MAP1B: variants seen among roughly 807,000 people sequenced by gnomAD.
The protein encoded by MAP1B is microtubule-associated protein 1B.
Under a neutral mutation model 176.1 loss-of-function variants are expected in MAP1B, and 12 were observed. That is an observed-to-expected ratio of 0.07 (90% CI 0.04 to 0.11). The LOEUF is 0.11. MAP1B is among the 10% of genes least tolerant of loss of function. The pLI is 1.00. For missense variants in MAP1B, 2,523 were observed against 2,990.5 expected, an observed-to-expected ratio of 0.84 and a Z score of 3.65; for synonymous variants, 1,044 against 1,135.0, an observed-to-expected ratio of 0.92 and a Z score of 1.61.
At chr5:72,117,099 G>T (rs929755775) in intron 2 of MAP1B, among the ~76,000 whole-genome samples, 5 of 151,738 alleles carry the variant, frequency 3.3e-5, no homozygotes, top group African/African-American at 1.2e-4. Context: ...TTTATTAAAA[G>T]TTAACTTCCT....
At chr5:72,189,942 A>G (rs1746990748) in intron 4 of MAP1B, among the ~76,000 whole-genome samples, 1 of 152,158 alleles carries the variant, frequency 6.6e-6, no homozygotes, top group South Asian at 2.1e-4. Context: ...TAGAGTGAGA[A>G]ACATTTTAAG....
At chr5:72,152,802 AG>A (rs1746165995) in intron 2 of MAP1B, among the ~76,000 whole-genome samples, 1 of 152,198 alleles carries the variant, frequency 6.6e-6, no homozygotes, top group Non-Finnish European at 1.5e-5. Flanking sequence ...TTTGTTCAGA[AG>A]TACTGTTGTG....
intron 1 of MAP1B, among the ~76,000 whole-genome samples, chr5:72,109,988 A>G (rs1375917364): frequency 6.6e-6 from 1 of 152,230 alleles, no homozygotes; most frequent in African/African-American, 2.4e-5. Context: ...ACGTACTGCT[A>G]TGAAGAAGGG....
chr5:72,199,435 C>T lies in MAP1B; in HGVS notation c.6080C>T (p.Thr2027Ile). Reference protein sequence around the residue: ...FPESEGYSYETSTKTTRTPDT... With the variant: ...FPESEGYSYEISTKTTRTPDT... Reference sequence around the variant, plus strand: ...GAGTCTGAAGGTTATTCCTATGAGACATCTACAAAGACAACACGAACCCCT... The same window carrying T: ...GAGTCTGAAGGTTATTCCTATGAGATATCTACAAAGACAACACGAACCCCT... The change falls in exon 5 of 7, where the codon ACA becomes ATA. Residue 2027 changes from threonine to isoleucine, a missense_variant. Transcript: ENST00000296755. This position sits in a 1 kb window ranked among gnomAD's most constrained non-coding sequence, Gnocchi z 4.2. 6.2e-7 allele frequency: 1 copy of T among 1,614,150 alleles called. No homozygotes were observed. Among genetic ancestry groups the T allele is most frequent in the African/African-American group, 1.3e-5 (1 of 75,044 alleles).
intron 2 of MAP1B, among the ~76,000 whole-genome samples, chr5:72,151,991 C>T (rs1012905618): frequency 1.3e-5 from 2 of 152,184 alleles, no homozygotes; most frequent in African/African-American, 4.8e-5. Flanking sequence ...CTTACATAAC[C>T]GTGCTACTTT....
At chr5:72,169,196 T>C (rs1454611703) in intron 2 of MAP1B, among the ~76,000 whole-genome samples, 1 of 152,180 alleles carries the variant, frequency 6.6e-6, no homozygotes. Context: ...GGTGGCAGAA[T>C]GACCACAGGC....
At position 72,186,948 on chromosome 5, in the gene MAP1B, T is replaced by C. The variant is rs1746921944; in HGVS notation, c.510+194T>C. Among the ~76,000 whole-genome samples, 1 of 152,192 alleles carries C rather than the reference T, an allele frequency of 6.6e-6. No homozygotes were observed. Among genetic ancestry groups the C allele is most frequent in the African/African-American group, 2.4e-5 (1 of 41,446 alleles). ...AAGAATTTAGAGCACTCATTTACAA[T>C]TAATTGGAATCATTCTTAATGTGCC... On this transcript the variant is annotated intron_variant, in intron 4 of 6. Coordinates refer to ENST00000296755, the MANE Select transcript of MAP1B (RefSeq NM_005909.5). The surrounding 1 kb of genome is among the most constrained non-coding windows in gnomAD (Gnocchi z 4.3).
chr5:72,164,653 C>G (rs1332412018), intron 2 of MAP1B, among the ~76,000 whole-genome samples: 1 of 152,120 alleles, frequency 6.6e-6, no homozygotes, highest in African/African-American at 2.4e-5. Flanking sequence ...AACCAGGGAA[C>G]CAGCGCAGTT....
At chr5:72,107,766 G>A in intron 1 of MAP1B, 51 bp downstream of exon 1, 4 of 1,583,434 alleles carry the variant, frequency 2.5e-6, no homozygotes, top group Non-Finnish European at 3.4e-6. Flanking sequence ...GCGCAAACAC[G>A]ACCCCACCCA....
In MAP1B at chr5:72,206,870, G is replaced by C. The variant is rs902733284; in HGVS notation, c.*1631G>C. On this transcript the variant is annotated 3_prime_UTR_variant, in exon 7 of 7. Coordinates refer to ENST00000296755, the MANE Select transcript of MAP1B (RefSeq NM_005909.5). ...TAACATAAAAGTGCTACTTGAGAGT[G>C]GGGGAGAATGGCATGGTAGGCTACT... 6 of 152,098 alleles carry C rather than the reference G, an allele frequency of 3.9e-5. No homozygotes were observed. Among genetic ancestry groups the C allele is most frequent in the African/African-American group, 1.4e-4 (6 of 41,406 alleles). 9.4% of individuals were successfully genotyped at this position (152,098 alleles called of 1,614,324 possible).
intron 2 of MAP1B, among the ~76,000 whole-genome samples, chr5:72,119,516 G>A (rs1745489552): frequency 6.6e-6 from 1 of 152,170 alleles, no homozygotes; most frequent in South Asian, 2.1e-4. Flanking sequence ...TGTTGTTGTT[G>A]TTGTTTTGAA....
intron 1 of MAP1B, among the ~76,000 whole-genome samples, chr5:72,110,025 T>G (rs2337389): frequency 7.2e-5 from 11 of 152,240 alleles, no homozygotes; most frequent in African/African-American, 2.7e-4. Context: ...GTTTTTACAC[T>G]ACTAGCACTT....
intron 5 of MAP1B, 48 bp from the exon 6 acceptor site, chr5:72,203,515 C>A: frequency 1.5e-6 from 2 of 1,351,264 alleles, no homozygotes; most frequent in Non-Finnish European, 2.1e-6. Flanking sequence ...GATGTATGGT[C>A]TCTTCACCTT....
intron 5 of MAP1B, among the ~76,000 whole-genome samples, chr5:72,201,004 C>T (rs1747323255): frequency 6.6e-6 from 1 of 152,128 alleles, no homozygotes; most frequent in Non-Finnish European, 1.5e-5. Flanking sequence ...ATTGATGGCT[C>T]TGCTCTTACC....
chr5:72,129,238 G>T (rs772518976), intron 2 of MAP1B, among the ~76,000 whole-genome samples: 21 of 152,132 alleles, frequency 1.4e-4, no homozygotes, highest in Admixed American at 4.6e-4. Flanking sequence ...AATGTATTTC[G>T]CTTTTCAAGA....
intron 2 of MAP1B, among the ~76,000 whole-genome samples, chr5:72,183,523 G>A (rs556133007): frequency 5.3e-5 from 8 of 152,204 alleles, no homozygotes; most frequent in Non-Finnish European, 1.2e-4. Flanking sequence ...AGCGGGAGGA[G>A]CCCCCGACCA....
intron 1 of MAP1B, among the ~76,000 whole-genome samples, chr5:72,108,021 C>G (rs986394577): frequency 3.3e-5 from 5 of 152,206 alleles, no homozygotes; most frequent in Non-Finnish European, 7.4e-5. Context: ...GGAGCAGAGG[C>G]CACAATAAAG....
Position 72,194,498 on chromosome 5 carries a change from C to T in MAP1B, c.1143C>T (p.Ala381=), listed in dbSNP as rs1190649920. ...NIKMKRSIEE[A]CFTLQYLNKL... ...AGATGAAGAGAAGCATAGAAGAAGC[C>T]TGCTTCACTCTCCAGTACCTAAACA... Residue 381 remains alanine (A), a synonymous_variant, in exon 5 of 7, where the codon GCC becomes GCT. Coordinates refer to ENST00000296755, the MANE Select transcript of MAP1B (RefSeq NM_005909.5). The surrounding 1 kb of genome is among the most constrained non-coding windows in gnomAD (Gnocchi z 7.2). The T allele has an allele frequency of 6.2e-7, 1 of 1,614,106 alleles. No homozygotes were observed. Among genetic ancestry groups the T allele is most frequent in the South Asian group, 1.1e-5 (1 of 91,078 alleles).
At position 72,195,059 on chromosome 5, in the gene MAP1B, C is replaced by T. The variant is rs1269418269; in HGVS notation, c.1704C>T (p.Val568=). ...AGTCAAAAGAAGAAACCCCTGAGGT[C>T]ACAAAAGTGAATCACGTGGAAAAGC... ...RKESKEETPE[V]TKVNHVEKPP... Residue 568 remains valine (V), a synonymous_variant, in exon 5 of 7, where the codon GTC becomes GTT. Transcript: ENST00000296755. 1 of 1,613,986 alleles carries T rather than the reference C, an allele frequency of 6.2e-7. No individual in the cohort carries two copies. Among genetic ancestry groups the T allele is most frequent in the East Asian group, 2.2e-5 (1 of 44,858 alleles).
Sources: allele counts gnomAD v4.1 joint callset (sites outside exome capture counted in the v4.1 genomes callset), GRCh38; gene constraint gnomAD v4.1.1; non-coding constraint Gnocchi (gnomAD v3.1); transcripts MANE v1.5; gene names NCBI Gene and HGNC (gene_info 2026-07-23, HGNC 2026-07-21).